The following RUNDC3B variants were observed in gnomAD, a reference collection of about 807,000 sequenced individuals.
The protein encoded by RUNDC3B is RUN domain-containing protein 3B.
In RUNDC3B, 33 loss-of-function variants were observed where a neutral mutation model predicts 58.4. That is an observed-to-expected ratio of 0.56 (90% confidence interval 0.43 to 0.75). RUNDC3B has a LOEUF of 0.75. Among genes scored for constraint, RUNDC3B ranks in the 30% least tolerant of loss-of-function variants. The pLI is 0.00. For synonymous variants in RUNDC3B, 193 were observed against 195.2 expected, an observed-to-expected ratio of 0.99 and a Z score of 0.10; for missense variants, 501 against 535.7, an observed-to-expected ratio of 0.94 and a Z score of 0.64.
At chr7:87,629,207 T>A (rs1820951484) in intron 1 of RUNDC3B, 1 of 362,784 alleles carries the variant, frequency 2.8e-6, no homozygotes, top group Admixed American at 4.7e-5. Flanking sequence ...GGAGGATTTG[T>A]TTTGAATGTG....
chr7:87,669,292 G>A (rs986505998), intron 2 of RUNDC3B, among the ~76,000 whole-genome samples: 5 of 151,976 alleles, frequency 3.3e-5, no homozygotes, highest in Admixed American at 3.3e-4. Context: ...AATTCAGATT[G>A]CAATCCCTTC....
intron 1 of RUNDC3B, among the ~76,000 whole-genome samples, chr7:87,647,079 T>C (rs1823079926): frequency 6.6e-6 from 1 of 152,178 alleles, no homozygotes; most frequent in South Asian, 2.1e-4. Flanking sequence ...ATTATTTGAG[T>C]GATTATATTT....
chr7:87,808,935 G>C (rs908852313), intron 9 of RUNDC3B, among the ~76,000 whole-genome samples: 1 of 151,978 alleles, frequency 6.6e-6, no homozygotes, highest in East Asian at 1.9e-4. Flanking sequence ...TTAAATCCTG[G>C]TAAGTTAAAA....
intron 4 of RUNDC3B, among the ~76,000 whole-genome samples, chr7:87,736,426 A>G (rs1340566872): frequency 6.6e-6 from 1 of 152,158 alleles, no homozygotes; most frequent in African/African-American, 2.4e-5. Context: ...CATTATAGGA[A>G]TATATTTCAA....
At chr7:87,708,959 A>C (rs1829838875) in intron 3 of RUNDC3B, among the ~76,000 whole-genome samples, 1 of 152,142 alleles carries the variant, frequency 6.6e-6, no homozygotes, top group Non-Finnish European at 1.5e-5. Context: ...TTTATGGATC[A>C]CCCTTATCAA....
intron 9 of RUNDC3B, among the ~76,000 whole-genome samples, chr7:87,815,219 G>C (rs1309242067): frequency 6.6e-6 from 1 of 152,016 alleles, no homozygotes; most frequent in African/African-American, 2.4e-5. Context: ...TATGTGACTA[G>C]AGATAACTGT....
chr7:87,744,775 T>C lies in RUNDC3B; in HGVS notation c.629+3196T>C, dbSNP rs577111925. 4.6e-5 allele frequency among the ~76,000 whole-genome samples: 7 copies of C among 152,294 alleles called. No individual in the cohort carries two copies. In the South Asian group the frequency reaches 8.3e-4, roughly 18 times the overall value. On this transcript the variant is annotated intron_variant, in intron 6 of 10. Transcript: ENST00000394654. ...CATATCATCAGCAAACAGTGACAGT[T>C]TGACTTTCTCTTTACCGATGTGGAT...
chr7:87,774,552 A>G (rs981918335), intron 7 of RUNDC3B, among the ~76,000 whole-genome samples: 1 of 152,186 alleles, frequency 6.6e-6, no homozygotes, highest in African/African-American at 2.4e-5. Context: ...TAAATGTGGG[A>G]GAAACTCTCC....
intron 10 of RUNDC3B, among the ~76,000 whole-genome samples, chr7:87,820,265 C>T (rs1280599633): frequency 2.0e-5 from 3 of 152,136 alleles, no homozygotes; most frequent in African/African-American, 7.2e-5. Context: ...AACACCTCTA[C>T]ACAAATAAAC....
In RUNDC3B at chr7:87,726,683, T is replaced by A. The variant is rs555641065; in HGVS notation, c.459-13108T>A. On this transcript the variant is annotated intron_variant, in intron 4 of 10. Transcript: ENST00000394654. ...ATTGAATCTATAAATTACCTTGGGC[T>A]GTATGGCCATTTTCAGGATATTGAT... is the stretch of plus-strand genomic sequence containing the variant. Among the ~76,000 whole-genome samples the A allele has an allele frequency of 1.2e-4, 19 of 152,248 alleles. No individual in the cohort carries two copies. In the South Asian group the frequency reaches 1.5e-3, roughly 12 times the overall value.
At chr7:87,715,006 T>A (rs1830430484) in intron 4 of RUNDC3B, among the ~76,000 whole-genome samples, 1 of 151,714 alleles carries the variant, frequency 6.6e-6, no homozygotes, top group Non-Finnish European at 1.5e-5. Context: ...TTTACAATAA[T>A]TAGGAGCATT....
intron 10 of RUNDC3B, among the ~76,000 whole-genome samples, chr7:87,825,429 G>A (rs1350641424): frequency 6.6e-6 from 1 of 152,154 alleles, no homozygotes; most frequent in Non-Finnish European, 1.5e-5. Context: ...CTAGATTTCA[G>A]AAGATGTAGG....
chr7:87,655,497 T>C (rs1466751171), intron 2 of RUNDC3B, among the ~76,000 whole-genome samples: 1 of 152,116 alleles, frequency 6.6e-6, no homozygotes, highest in Admixed American at 6.6e-5. Flanking sequence ...ATGACTTCCT[T>C]ATACATGGCA....
At chr7:87,702,229 A>G (rs1829149177) in intron 3 of RUNDC3B, among the ~76,000 whole-genome samples, 1 of 151,104 alleles carries the variant, frequency 6.6e-6, no homozygotes, top group South Asian at 2.1e-4. Flanking sequence ...TTTCATAAAA[A>G]TGTGTTATTT....
intron 1 of RUNDC3B, among the ~76,000 whole-genome samples, chr7:87,636,425 GTTTATTT>G (rs1466159826): frequency 6.6e-6 from 1 of 152,070 alleles, no homozygotes; most frequent in African/African-American, 2.4e-5. Flanking sequence ...TCTGCTTTTT[GTTTATTT>G]TTTAGATGTG....
Position 87,680,514 on chromosome 7 carries a change from C to T in RUNDC3B, c.239-19907C>T, listed in dbSNP as rs547240049. Among the ~76,000 whole-genome samples, 33 of 150,830 alleles carry T rather than the reference C, an allele frequency of 2.2e-4. 1 individual carries two copies. Among genetic ancestry groups the T allele is most frequent in the Non-Finnish European group, 3.7e-4 (25 of 67,888 alleles). On this transcript the variant is annotated intron_variant, in intron 2 of 10. Transcript: ENST00000394654. Reference sequence around the variant, plus strand: ...CACCTTAAGAAACTAAAAAAGGGGCCGGGCCCGGTGGCTCACGCCTGTAAT... The same window carrying T: ...CACCTTAAGAAACTAAAAAAGGGGCTGGGCCCGGTGGCTCACGCCTGTAAT...
chr7:87,798,387 CTTGTTTGTT>C (rs912989558), intron 8 of RUNDC3B, among the ~76,000 whole-genome samples: 1 of 152,120 alleles, frequency 6.6e-6, no homozygotes, highest in Non-Finnish European at 1.5e-5. Context: ...CAAAACACTT[CTTGTTTGTT>C]TTGTTTGTTC....
chr7:87,798,038 A>G (rs1835906770), intron 8 of RUNDC3B, among the ~76,000 whole-genome samples: 1 of 152,136 alleles, frequency 6.6e-6, no homozygotes, highest in Non-Finnish European at 1.5e-5. Flanking sequence ...CTTGCATTCC[A>G]CTGGTTTCAT....
intron 8 of RUNDC3B, among the ~76,000 whole-genome samples, chr7:87,800,366 C>T (rs1032428133): frequency 6.6e-6 from 1 of 152,148 alleles, no homozygotes; most frequent in Admixed American, 6.5e-5. Flanking sequence ...TTTTAGAAGA[C>T]CTCGTACCAC....
Sources: allele counts gnomAD v4.1 joint callset (sites outside exome capture counted in the v4.1 genomes callset), GRCh38; gene constraint gnomAD v4.1.1; transcripts MANE v1.5; gene names NCBI Gene and HGNC (gene_info 2026-07-23, HGNC 2026-07-21).